TBC1D31: variants seen among roughly 807,000 people sequenced by gnomAD.
The protein encoded by TBC1D31 is TBC1 domain family member 31.
A neutral mutation model predicts 132.9 loss-of-function variants in TBC1D31; 99 were observed. That is an observed-to-expected ratio of 0.74 (90% confidence interval 0.63 to 0.88). TBC1D31 has a LOEUF of 0.88. TBC1D31 is among the 40% of genes least tolerant of loss of function. TBC1D31 has a pLI of 0.00. For missense variants in TBC1D31, 1,134 were observed against 1,256.6 expected (o/e 0.90, Z 1.48); for synonymous variants, 385 against 419.4 (o/e 0.92, Z 1.00).
At chr8:123,102,792 T>A (rs1817569419) in intron 7 of TBC1D31, 1 of 153,244 alleles carries the variant, frequency 6.5e-6, no homozygotes, top group African/African-American at 2.4e-5. Context: ...ATCCTTTTTG[T>A]GATCTACTTA....
intron 7 of TBC1D31, chr8:123,102,319 T>C: frequency 2.2e-6 from 1 of 454,152 alleles, no homozygotes; most frequent in East Asian, 7.0e-5. Flanking sequence ...TCTTCCAAGA[T>C]TACATGAGAT....
chr8:123,074,461 C>T (rs1298812935), intron 1 of TBC1D31, among the ~76,000 whole-genome samples: 1 of 152,192 alleles, frequency 6.6e-6, no homozygotes, highest in Non-Finnish European at 1.5e-5. Flanking sequence ...AAAATTTTCT[C>T]TAAAGTGGGG....
intron 19 of TBC1D31, among the ~76,000 whole-genome samples, 189 bp from the exon 20 acceptor site, chr8:123,144,528 C>G (rs1821998572): frequency 1.3e-5 from 2 of 152,178 alleles, no homozygotes; most frequent in Non-Finnish European, 2.9e-5. Context: ...AAACCTGCCT[C>G]TGCTTTCAAG....
intron 20 of TBC1D31, among the ~76,000 whole-genome samples, chr8:123,149,071 A>C (rs1402914335): frequency 6.6e-6 from 1 of 152,048 alleles, no homozygotes; most frequent in African/African-American, 2.4e-5. Flanking sequence ...GTTATTTCTT[A>C]GTAAAATAGT....
intron 4 of TBC1D31, among the ~76,000 whole-genome samples, chr8:123,086,718 CTT>C (rs112065086): frequency 2.1e-5 from 3 of 142,478 alleles, no homozygotes; most frequent in Admixed American, 7.1e-5. Context: ...CCTCCCTGTT[CTT>C]TTTTTTTTTT....
intron 5 of TBC1D31, among the ~76,000 whole-genome samples, chr8:123,094,519 ATTTATTTATTTAT>A (rs1257633574): frequency 1.4e-5 from 2 of 146,232 alleles, no homozygotes; most frequent in Non-Finnish European, 3.0e-5. Context: ...TTATTTATTT[ATTTATTTATTTAT>A]TTATTTATTT....
downstream of TBC1D31, among the ~76,000 whole-genome samples, chr8:123,155,577 C>T (rs1270456841): frequency 6.6e-6 from 1 of 152,064 alleles, no homozygotes; most frequent in African/African-American, 2.4e-5. This position sits in a 1 kb window ranked among gnomAD's most constrained non-coding sequence, Gnocchi z 4.1. Flanking sequence ...ACCTGGTAGC[C>T]GAAAAACTGA....
intron 21 of TBC1D31, 53 bp from the exon 22 acceptor site, chr8:123,151,753 A>T: frequency 6.7e-7 from 1 of 1,483,208 alleles, no homozygotes; most frequent in South Asian, 1.4e-5. Flanking sequence ...ATGCTGTATC[A>T]CCGCTAACAT....
Position 123,150,056 on chromosome 8 carries a change from G to T in TBC1D31, c.2995G>T (p.Glu999Ter), listed in dbSNP as rs144804597. The T allele has an allele frequency of 8.7e-6, 14 of 1,613,958 alleles. No homozygotes were observed. The African/African-American group carries it at 1.9e-4, about 22-fold the overall frequency. Residue 999 changes from glutamate to a stop codon, truncating the protein, a stop_gained, in exon 21 of 22, where the codon GAA becomes TAA. Coordinates refer to ENST00000287380, the MANE Select transcript of TBC1D31 (RefSeq NM_145647.4). LOFTEE classifies it high-confidence loss of function. ...CHKEEPRFQN[E>*]QDSSCLPRTS... ...AACAGAAGAACCCAGGTTCCAAAAT[G>T]AACAGGACTCAAGCTGTTTGCCTAG... is the stretch of plus-strand genomic sequence containing the variant.
chr8:123,075,247 G>A (rs1331911896), intron 1 of TBC1D31, among the ~76,000 whole-genome samples: 1 of 151,986 alleles, frequency 6.6e-6, no homozygotes, highest in Non-Finnish European at 1.5e-5. Context: ...TTAATTCCTT[G>A]GGGACTAGAT....
At position 123,084,312 on chromosome 8, in the gene TBC1D31, A is replaced by G. The variant is rs1281785058; in HGVS notation, c.491A>G (p.Asn164Ser). 1.2e-6 allele frequency: 2 copies of G among 1,614,074 alleles called. No individual in the cohort carries two copies. The highest frequency in any genetic ancestry group is 1.6e-4 in the Middle Eastern group (1 of 6,084). The change falls in exon 4 of 22, where the codon AAT becomes AGT. Residue 164 changes from asparagine to serine, a missense_variant. Physicochemically the swap from Asn to Ser is conservative, Grantham distance 46 (BLOSUM62 1). Coordinates refer to ENST00000287380, the MANE Select transcript of TBC1D31 (RefSeq NM_145647.4). ...LDTFQRKRKL[N>S]IRQSVGIQKV... ...ACCTTTCAGAGAAAAAGAAAGCTGA[A>G]TATTCGCCAGTCTGTGGGTATACAG...
At chr8:123,121,604 C>T (rs1213182169) in intron 11 of TBC1D31, among the ~76,000 whole-genome samples, 4 of 152,066 alleles carry the variant, frequency 2.6e-5, no homozygotes, top group African/African-American at 7.2e-5. Flanking sequence ...CCTGTGCTCT[C>T]GTTCCTGCCC....
Position 123,140,916 on chromosome 8 carries a change from C to T in TBC1D31, c.2640+15C>T. ...AAACTCAGAAGGTAAAAATATGATCCATTTAGTATACATGCAGAGGAGAAA... is the reference window on the plus strand; with the variant it reads ...AAACTCAGAAGGTAAAAATATGATCTATTTAGTATACATGCAGAGGAGAAA... On this transcript the variant is annotated intron_variant, in intron 18 of 21. Coordinates refer to ENST00000287380, the MANE Select transcript of TBC1D31 (RefSeq NM_145647.4). 2 of 1,610,582 alleles carry T rather than the reference C, an allele frequency of 1.2e-6. No homozygotes were observed. The highest frequency in any genetic ancestry group is 1.7e-6 in the Non-Finnish European group (2 of 1,178,638).
At chr8:123,123,235 C>T (rs889249778) in intron 11 of TBC1D31, 1 of 152,346 alleles carries the variant, frequency 6.6e-6, no homozygotes, top group Non-Finnish European at 1.5e-5. Context: ...CTAAGAAGGG[C>T]TTCAGAGAAA....
At chr8:123,088,189 C>A (rs551686215) in intron 4 of TBC1D31, among the ~76,000 whole-genome samples, 50 of 139,840 alleles carry the variant, frequency 3.6e-4, no homozygotes, top group African/African-American at 4.1e-4. Flanking sequence ...ACTCTTGTCT[C>A]AAAAAAAAAA....
At chr8:123,087,374 A>C (rs1237928709) in intron 4 of TBC1D31, among the ~76,000 whole-genome samples, 3 of 152,224 alleles carry the variant, frequency 2.0e-5, no homozygotes, top group African/African-American at 7.2e-5. Flanking sequence ...GGTTATTAAC[A>C]TGAACAGCTA....
intron 4 of TBC1D31, among the ~76,000 whole-genome samples, chr8:123,087,331 G>A (rs1310175023): frequency 6.6e-6 from 1 of 152,120 alleles, no homozygotes; most frequent in Non-Finnish European, 1.5e-5. Flanking sequence ...GCTTCAGGTT[G>A]TATTATGCAT....
At chr8:123,156,834 G>A (rs1823003091), downstream of TBC1D31, among the ~76,000 whole-genome samples, 1 of 152,192 alleles carries the variant, frequency 6.6e-6, no homozygotes, top group Admixed American at 6.5e-5. Context: ...CGTGTTCCCA[G>A]CCACTCCTCT....
chr8:123,101,936 C>T (rs368948902), intron 7 of TBC1D31, among the ~76,000 whole-genome samples: 149 of 152,296 alleles, frequency 9.8e-4, no homozygotes, highest in South Asian at 4.8e-3. Flanking sequence ...CTTCCTTCGC[C>T]TGTTGAATTA....
Sources: allele counts gnomAD v4.1 joint callset (sites outside exome capture counted in the v4.1 genomes callset), GRCh38; gene constraint gnomAD v4.1.1; non-coding constraint Gnocchi (gnomAD v3.1); transcripts MANE v1.5; gene names NCBI Gene and HGNC (gene_info 2026-07-23, HGNC 2026-07-21).